The following PDE3A variants were observed in gnomAD, a reference collection of about 807,000 sequenced individuals.
PDE3A encodes the protein cGMP-inhibited 3',5'-cyclic phosphodiesterase 3A.
In PDE3A, 43 loss-of-function variants were observed where a neutral mutation model predicts 98.3. The ratio of observed to expected loss-of-function variants is 0.44; its 90% CI spans 0.34 to 0.56. The LOEUF (loss-of-function observed/expected upper bound fraction) is 0.56, where lower values mean the gene tolerates loss of function less well. Ranked by LOEUF, PDE3A falls within the 20% of genes least tolerant of loss-of-function variation. The pLI is 0.01. For missense variants in PDE3A, 1,427 were observed against 1,440.7 expected (o/e 0.99, Z 0.15); for synonymous variants, 663 against 567.9 (o/e 1.17, Z -2.38).
chr12:20,369,361 G>T lies in PDE3A; in HGVS notation c.77G>T (p.Gly26Val). 1 of 1,549,006 alleles carries T rather than the reference G, an allele frequency of 6.5e-7. No individual in the cohort carries two copies. Residue 26 changes from glycine to valine, a missense_variant, in exon 1 of 16, where the codon GGC (glycine) becomes GTC (valine). By Grantham distance (109) the Gly-to-Val change is moderately radical (BLOSUM62 -3). Coordinates refer to ENST00000359062, the MANE Select transcript of PDE3A (RefSeq NM_000921.5). ...GGGGTGAGTCAAGCCCCCACGGCGGGCCGGGACTGCCACCATCGTGCGGAC... is the reference window on the plus strand; with the variant it reads ...GGGGTGAGTCAAGCCCCCACGGCGGTCCGGGACTGCCACCATCGTGCGGAC... ...HSGVSQAPTA[G>V]RDCHHRADPA... is the part of the protein sequence containing the mutation.
chr12:20,394,765 T>C (rs1201834162), intron 1 of PDE3A, among the ~76,000 whole-genome samples: 1 of 152,060 alleles, frequency 6.6e-6, no homozygotes, highest in East Asian at 1.9e-4. Context: ...ATTGCATTGA[T>C]TGTCAACTGG....
intron 1 of PDE3A, among the ~76,000 whole-genome samples, chr12:20,463,784 A>G (rs1945294342): frequency 6.6e-6 from 1 of 152,220 alleles, no homozygotes; most frequent in Admixed American, 6.5e-5. Flanking sequence ...AGAAGGGGAC[A>G]AAACATACTT....
intron 8 of PDE3A, among the ~76,000 whole-genome samples, chr12:20,635,577 C>CAAAAAA (rs770373365): frequency 5.8e-5 from 7 of 120,226 alleles, no homozygotes; most frequent in East Asian, 2.5e-4. Flanking sequence ...GACTCTGTCT[C>CAAAAAA]AAAAAAAAAA....
intron 3 of PDE3A, among the ~76,000 whole-genome samples, chr12:20,614,973 C>T (rs965952632): frequency 9.1e-5 from 12 of 131,206 alleles, no homozygotes; most frequent in South Asian, 3.0e-4. Flanking sequence ...AAAAGACCTT[C>T]GGTTTAACTT....
intron 15 of PDE3A, among the ~76,000 whole-genome samples, chr12:20,662,530 CT>C (rs1945199402): frequency 6.6e-6 from 1 of 152,144 alleles, no homozygotes; most frequent in Non-Finnish European, 1.5e-5. Context: ...CCTGTAGCGC[CT>C]TTGTTTCAGC....
intron 1 of PDE3A, among the ~76,000 whole-genome samples, chr12:20,494,925 G>T (rs1438550359): frequency 6.6e-6 from 1 of 151,518 alleles, no homozygotes; most frequent in Admixed American, 6.6e-5. Flanking sequence ...TGGCATTGAT[G>T]GCAGTCTGTT....
At chr12:20,498,619 C>A (rs1048352788) in intron 1 of PDE3A, among the ~76,000 whole-genome samples, 2 of 151,210 alleles carry the variant, frequency 1.3e-5, no homozygotes, top group Non-Finnish European at 2.9e-5. Context: ...GTCCTGGAAC[C>A]AATCTGCCAT....
At chr12:20,392,102 A>G (rs933765884) in intron 1 of PDE3A, among the ~76,000 whole-genome samples, 24 of 151,878 alleles carry the variant, frequency 1.6e-4, no homozygotes, top group African/African-American at 5.6e-4. Flanking sequence ...CTATAGATGT[A>G]TATTTTGTTT....
intron 1 of PDE3A, among the ~76,000 whole-genome samples, chr12:20,496,998 AT>A (rs1399173041): frequency 6.6e-6 from 1 of 152,194 alleles, no homozygotes; most frequent in African/African-American, 2.4e-5. Flanking sequence ...TTGCTGTAGT[AT>A]CTCAAAGTTT....
chr12:20,649,618 ATTATT>A (rs1453706247), intron 13 of PDE3A, among the ~76,000 whole-genome samples: 1 of 152,182 alleles, frequency 6.6e-6, no homozygotes, highest in African/African-American at 2.4e-5. Context: ...CTGTAACTAT[ATTATT>A]TTAATAGTAA....
At chr12:20,444,237 T>G (rs893477751) in intron 1 of PDE3A, among the ~76,000 whole-genome samples, 7 of 152,154 alleles carry the variant, frequency 4.6e-5, no homozygotes, top group African/African-American at 1.4e-4. Context: ...CTTTTCTGCT[T>G]TCTTTATCCC....
rs1186994835 is a variant in PDE3A, at chr12:20,680,567, A to C, written c.*296A>C. 2 of 288,072 alleles carry C rather than the reference A, an allele frequency of 6.9e-6. No homozygotes were observed. Among genetic ancestry groups the C allele is most frequent in the Non-Finnish European group, 1.3e-5 (2 of 152,448 alleles). 17.8% of individuals were successfully genotyped at this position (288,072 alleles called of 1,614,324 possible). A position where few individuals can be genotyped will look rare whatever the true frequency, so the allele number is the denominator to read the frequency against. The stretch of plus-strand genomic sequence containing the variant: ...ATAGATACATGTAAAACATATTCAC[A>C]CCCATGCACGCACACACATACACAC... On this transcript the variant is annotated 3_prime_UTR_variant, in exon 16 of 16. Transcript: ENST00000359062.
chr12:20,577,811 A>G (rs969182172), intron 2 of PDE3A, among the ~76,000 whole-genome samples: 2 of 152,234 alleles, frequency 1.3e-5, no homozygotes, highest in Admixed American at 1.3e-4. Flanking sequence ...TTTATTTACC[A>G]AACACGGGAC....
At chr12:20,442,256 A>G (rs1255920845) in intron 1 of PDE3A, among the ~76,000 whole-genome samples, 1 of 152,192 alleles carries the variant, frequency 6.6e-6, no homozygotes, top group East Asian at 1.9e-4. Flanking sequence ...CATATTCATG[A>G]CCTGTTTTGT....
chr12:20,454,560 T>A (rs1383849995), intron 1 of PDE3A, among the ~76,000 whole-genome samples: 3 of 152,172 alleles, frequency 2.0e-5, no homozygotes, highest in African/African-American at 7.2e-5. Flanking sequence ...TTGTACAGAT[T>A]ATTTAGGCAC....
chr12:20,483,037 C>CT (rs953998018), intron 1 of PDE3A, among the ~76,000 whole-genome samples: 1 of 152,006 alleles, frequency 6.6e-6, no homozygotes, highest in Non-Finnish European at 1.5e-5. Flanking sequence ...CCTAGACATC[C>CT]TTTTTTCAGA....
intron 1 of PDE3A, among the ~76,000 whole-genome samples, chr12:20,389,102 A>G (rs1189123782): frequency 6.6e-6 from 1 of 152,040 alleles, no homozygotes; most frequent in South Asian, 2.1e-4. Context: ...ACTTTTACTC[A>G]ATCATTCCAC....
At chr12:20,620,593 T>C (rs115532553) in intron 4 of PDE3A, among the ~76,000 whole-genome samples, 5,067 of 152,144 alleles carry the variant, frequency 0.033, 292 homozygotes, top group African/African-American at 0.12. Context: ...AGTTCAGTCT[T>C]CCATGAATCT....
intron 15 of PDE3A, among the ~76,000 whole-genome samples, chr12:20,659,117 C>T (rs1945103055): frequency 6.6e-6 from 1 of 152,034 alleles, no homozygotes; most frequent in Admixed American, 6.6e-5. Flanking sequence ...AAGTATTTGC[C>T]AGTTAGTTTG....
Sources: gnomAD v4.1 joint callset for allele counts (sites outside exome capture counted in the v4.1 genomes callset) on GRCh38, gnomAD v4.1.1 for gene constraint, MANE v1.5 for transcripts, NCBI Gene and HGNC (gene_info 2026-07-23, HGNC 2026-07-21) for gene names.